DDX17: variants seen among roughly 807,000 people sequenced by gnomAD.
The protein encoded by DDX17 is DEAD-box helicase 17.
A neutral mutation model predicts 80.8 loss-of-function variants in DDX17; 10 were observed. That is an observed-to-expected ratio of 0.12 (90% CI 0.08 to 0.21). The LOEUF (loss-of-function observed/expected upper bound fraction) is 0.21, where lower values mean the gene tolerates loss of function less well. Among genes scored for constraint, DDX17 ranks in the 10% least tolerant of loss-of-function variants. The pLI is 1.00. For synonymous variants in DDX17, 339 were observed against 336.2 expected (o/e 1.01, Z -0.09); for missense variants, 586 against 957.4 (o/e 0.61, Z 5.12).
chr22:38,485,839 GAAAA>G lies in DDX17; in HGVS notation c.*92_*95del. On this transcript the variant is annotated 3_prime_UTR_variant, in exon 13 of 13. Coordinates refer to ENST00000403230, the MANE Select transcript of DDX17 (RefSeq NM_006386.5). ...AATTAAAAAAAAAAAAAGAAAAAAGGAAAAAAAAAGAAAAGGCGAAGAGGAAAAA... is the reference window on the plus strand; with the variant it reads ...AATTAAAAAAAAAAAAAGAAAAAAGGAAAAAGAAAAGGCGAAGAGGAAAAA... 2 of 1,343,972 alleles carry G rather than the reference GAAAA, an allele frequency of 1.5e-6. No individual in the cohort carries two copies. Among genetic ancestry groups the G allele is most frequent in the South Asian group, 1.7e-5 (1 of 59,452 alleles). 83.3% of individuals were successfully genotyped at this position (1,343,972 alleles called of 1,614,324 possible).
intron 1 of DDX17, chr22:38,505,715 C>A (rs1466621321): frequency 1.9e-6 from 1 of 520,336 alleles, no homozygotes; most frequent in Non-Finnish European, 3.3e-6. Flanking sequence ...GGCCGGGCCG[C>A]GCCACGACGG....
At chr22:38,499,338 TA>T in intron 3 of DDX17, 61 bp downstream of exon 3, 1 of 1,292,844 alleles carries the variant, frequency 7.7e-7, no homozygotes, top group South Asian at 1.2e-5. Flanking sequence ...TTTAACCTAC[TA>T]CCCTTGTCTC....
At chr22:38,504,724 G>A (rs1023077737) in intron 1 of DDX17, among the ~76,000 whole-genome samples, 1 of 152,298 alleles carries the variant, frequency 6.6e-6, no homozygotes, top group East Asian at 1.9e-4. Flanking sequence ...AAAACGTTTG[G>A]AGAAAATATC....
chr22:38,497,857 T>G (rs975135535), intron 5 of DDX17, among the ~76,000 whole-genome samples: 1 of 152,130 alleles, frequency 6.6e-6, no homozygotes, highest in African/African-American at 2.4e-5. Flanking sequence ...CCATACAGCA[T>G]GCATGGTTTC....
At chr22:38,493,641 T>C in intron 10 of DDX17, 69 bp downstream of exon 10, 7 of 1,298,520 alleles carry the variant, frequency 5.4e-6, no homozygotes, top group South Asian at 2.4e-5. Context: ...ATCCCTGAAA[T>C]AGAGCATGAA....
chr22:38,499,375 A>C lies in DDX17; in HGVS notation c.538+25T>G, dbSNP rs778990193. The C allele has an allele frequency of 9.5e-6, 15 of 1,576,734 alleles. No individual in the cohort carries two copies. In the African/African-American group the frequency reaches 1.6e-4, roughly 17 times the overall value. ...CCATTCAACCCAATTTAACAAATTA[A>C]GGTTCTAGATTGAAGAACACTTACG... On this transcript the variant is annotated intron_variant, in intron 3 of 12. Transcript: ENST00000403230.
intron 12 of DDX17, among the ~76,000 whole-genome samples, chr22:38,487,667 A>C (rs908227427): frequency 2.0e-5 from 3 of 152,224 alleles, no homozygotes; most frequent in Non-Finnish European, 4.4e-5. Flanking sequence ...CTCTAAGAAA[A>C]AAAAATTCAC....
At chr22:38,493,872 A>G in intron 9 of DDX17, 101 bp from the exon 10 acceptor site, 1 of 1,311,970 alleles carries the variant, frequency 7.6e-7, no homozygotes, top group Non-Finnish European at 1.1e-6. Context: ...AAGGTTTGTC[A>G]GGCTTCATGA....
chr22:38,504,361 C>T (rs2089859261), intron 1 of DDX17, among the ~76,000 whole-genome samples: 1 of 152,178 alleles, frequency 6.6e-6, no homozygotes, highest in African/African-American at 2.4e-5. Context: ...ATCCTGTTAG[C>T]ACGAATGCTG....
chr22:38,506,079 G>A lies in DDX17; in HGVS notation c.159C>T (p.Val53=), dbSNP rs755749383. ...GGGCCTGCGGCTCCGGTCTGGTGAC[G>A]ACCGATGGCGGCGGCGCCTCCGCTG... is the stretch of plus-strand genomic sequence containing the variant. Residue 53 remains valine, a synonymous_variant, in exon 1 of 13, where the codon GTC becomes GTT. Transcript: ENST00000403230. 6 of 1,581,038 alleles carry A rather than the reference G, an allele frequency of 3.8e-6. No homozygotes were observed. Among genetic ancestry groups the A allele is most frequent in the Non-Finnish European group, 5.2e-6 (6 of 1,164,180 alleles).
chr22:38,504,360 G>A (rs1322769654), intron 1 of DDX17, among the ~76,000 whole-genome samples: 1 of 152,104 alleles, frequency 6.6e-6, no homozygotes, highest in East Asian at 1.9e-4. Flanking sequence ...TATCCTGTTA[G>A]CACGAATGCT....
At chr22:38,500,277 T>C (rs1182084853) in intron 2 of DDX17, among the ~76,000 whole-genome samples, 1 of 152,144 alleles carries the variant, frequency 6.6e-6, no homozygotes. Flanking sequence ...TAGTAAGCAT[T>C]ATCAACAAGA....
chr22:38,499,990 C>T (rs897148032), intron 2 of DDX17, among the ~76,000 whole-genome samples: 4 of 151,010 alleles, frequency 2.6e-5, no homozygotes, highest in Admixed American at 6.6e-5. Context: ...CATGGTGAAA[C>T]TCCGTCTCTA....
chr22:38,488,575 T>C, intron 11 of DDX17: 4 of 994,112 alleles, frequency 4.0e-6, no homozygotes, highest in Non-Finnish European at 4.8e-6. Context: ...ATAACAAACT[T>C]ACCTTTAAAC....
intron 2 of DDX17, among the ~76,000 whole-genome samples, chr22:38,500,744 G>C (rs1222385294): frequency 6.8e-6 from 1 of 147,260 alleles, no homozygotes; most frequent in Non-Finnish European, 1.5e-5. Flanking sequence ...TTGAACCCAG[G>C]AGGCGGAGGT....
chr22:38,487,803 G>T, intron 12 of DDX17, 76 bp downstream of exon 12: 2 of 1,479,482 alleles, frequency 1.4e-6, no homozygotes, highest in South Asian at 2.3e-5. Context: ...CTTAAAAACA[G>T]CAACTAAAAG....
intron 5 of DDX17, among the ~76,000 whole-genome samples, chr22:38,496,595 C>A (rs1347793510): frequency 6.6e-6 from 1 of 152,074 alleles, no homozygotes; most frequent in African/African-American, 2.4e-5. Context: ...TGTGATCTGC[C>A]CACTTTGGCC....
Position 38,489,591 on chromosome 22 carries a change from C to A in DDX17, c.1448-1476G>T. 1.0e-6 allele frequency: 1 copy of A among 984,724 alleles called. No individual in the cohort carries two copies. The highest frequency in any genetic ancestry group is 1.2e-6 in the Non-Finnish European group (1 of 829,728). 61.0% of individuals were successfully genotyped at this position (984,724 alleles called of 1,614,324 possible). A position where few individuals can be genotyped will look rare whatever the true frequency, so the allele number is the denominator to read the frequency against. On this transcript the variant is annotated intron_variant, in intron 11 of 12. Coordinates refer to ENST00000403230, the MANE Select transcript of DDX17 (RefSeq NM_006386.5). This position sits in a 1 kb window ranked among gnomAD's most constrained non-coding sequence, Gnocchi z 4.6. ...GGTCAGACTGCATCTATTGCCCAGA[C>A]TGGATTAATTTCAAGGGAGAAAGGG...
intron 3 of DDX17, among the ~76,000 whole-genome samples, chr22:38,499,178 A>G (rs1410286860): frequency 6.6e-6 from 1 of 152,230 alleles, no homozygotes; most frequent in Non-Finnish European, 1.5e-5. Context: ...GCTGTTTTCT[A>G]AAAGGCAGAG....
Sources: allele counts gnomAD v4.1 joint callset (sites outside exome capture counted in the v4.1 genomes callset), GRCh38; gene constraint gnomAD v4.1.1; non-coding constraint Gnocchi (gnomAD v3.1); transcripts MANE v1.5; gene names NCBI Gene and HGNC (gene_info 2026-07-23, HGNC 2026-07-21).